GABRB1: variants seen among roughly 807,000 people sequenced by gnomAD.
GABRB1 encodes gamma-aminobutyric acid receptor subunit beta-1.
In GABRB1, 17 loss-of-function variants were observed where a neutral mutation model predicts 51.6. That is an observed-to-expected ratio of 0.33 (90% CI 0.23 to 0.49). GABRB1 has a LOEUF of 0.49. GABRB1 is among the 20% of genes least tolerant of loss of function. GABRB1 has a pLI of 0.99. For synonymous variants in GABRB1, 247 were observed against 218.9 expected, an observed-to-expected ratio of 1.13 and a Z score of -1.14; for missense variants, 410 against 600.6, an observed-to-expected ratio of 0.68 and a Z score of 3.32.
At chr4:47,190,130 C>G (rs1719379061) in intron 4 of GABRB1, among the ~76,000 whole-genome samples, 1 of 152,092 alleles carries the variant, frequency 6.6e-6, no homozygotes, top group African/African-American at 2.4e-5. Flanking sequence ...CTCCCTTAAT[C>G]TTCTAGCTTT....
At chr4:47,137,631 A>T (rs1321601619) in intron 3 of GABRB1, among the ~76,000 whole-genome samples, 1 of 152,154 alleles carries the variant, frequency 6.6e-6, no homozygotes, top group Non-Finnish European at 1.5e-5. Flanking sequence ...GATAATGAGC[A>T]ACCACAACAT....
At chr4:47,335,709 C>CT (rs1287412687) in intron 5 of GABRB1, among the ~76,000 whole-genome samples, 1 of 152,110 alleles carries the variant, frequency 6.6e-6, no homozygotes, top group Non-Finnish European at 1.5e-5. Flanking sequence ...TGAAAATTCT[C>CT]TTTTTTTCCA....
chr4:47,220,674 G>C (rs1218608777), intron 4 of GABRB1, among the ~76,000 whole-genome samples: 1 of 151,930 alleles, frequency 6.6e-6, no homozygotes, highest in African/African-American at 2.4e-5. Context: ...AGAACCTCAT[G>C]CTGATCTTTG....
intron 5 of GABRB1, among the ~76,000 whole-genome samples, chr4:47,373,652 G>A (rs935750825): frequency 6.6e-6 from 1 of 152,150 alleles, no homozygotes; most frequent in Non-Finnish European, 1.5e-5. Flanking sequence ...ACTTTGTGGA[G>A]TCTTGAGCTG....
chr4:47,141,121 G>A (rs1716915003), intron 3 of GABRB1, among the ~76,000 whole-genome samples: 1 of 151,774 alleles, frequency 6.6e-6, no homozygotes, highest in Non-Finnish European at 1.5e-5. Context: ...CGCTATACTA[G>A]CATATTCATC....
chr4:47,174,528 T>A (rs938956383), intron 4 of GABRB1, among the ~76,000 whole-genome samples: 1 of 152,194 alleles, frequency 6.6e-6, no homozygotes, highest in Admixed American at 6.6e-5. Context: ...AATTATAAAA[T>A]GTTTAATTAG....
At chr4:47,176,200 CAG>C (rs1718691786) in intron 4 of GABRB1, among the ~76,000 whole-genome samples, 1 of 151,900 alleles carries the variant, frequency 6.6e-6, no homozygotes, top group South Asian at 2.1e-4. Context: ...TATGAACGAG[CAG>C]AGTCAGAAAA....
At chr4:47,185,536 C>T (rs984520354) in intron 4 of GABRB1, among the ~76,000 whole-genome samples, 1 of 151,716 alleles carries the variant, frequency 6.6e-6, no homozygotes, top group Non-Finnish European at 1.5e-5. Flanking sequence ...ATATATAGAG[C>T]CATCCACTGC....
intron 3 of GABRB1, 120 bp downstream of exon 3, chr4:47,032,604 C>T (rs752608043): frequency 1.1e-6 from 1 of 930,788 alleles, no homozygotes; most frequent in South Asian, 1.3e-5. Flanking sequence ...GGTCCCACTC[C>T]GCACCCGCTC....
intron 1 of GABRB1, among the ~76,000 whole-genome samples, chr4:47,016,824 A>T (rs948762029): frequency 2.6e-5 from 4 of 152,094 alleles, no homozygotes; most frequent in African/African-American, 9.7e-5. Context: ...TCCTGACTTC[A>T]GGTGATCCAC....
chr4:47,183,127 A>C (rs1719024603), intron 4 of GABRB1, among the ~76,000 whole-genome samples: 1 of 151,560 alleles, frequency 6.6e-6, no homozygotes, highest in African/African-American at 2.4e-5. Context: ...TCGTTTAAGG[A>C]GAAAAACACA....
intron 4 of GABRB1, among the ~76,000 whole-genome samples, chr4:47,167,660 A>G (rs1718248502): frequency 6.6e-6 from 1 of 152,156 alleles, no homozygotes. Flanking sequence ...GAGAGCAGAG[A>G]TATTTAAGGG....
rs139073257 is a variant in GABRB1, at chr4:47,043,594, A to G, written c.240+11110A>G. On this transcript the variant is annotated intron_variant, in intron 3 of 8. Transcript: ENST00000295454. Reference sequence around the variant, plus strand: ...TTTAAAGGAGTTATACATCACCTTTAGTTCTGCAAAATGGACAGAGATATG... The same window carrying G: ...TTTAAAGGAGTTATACATCACCTTTGGTTCTGCAAAATGGACAGAGATATG... 8.4e-3 allele frequency among the ~76,000 whole-genome samples: 1,282 copies of G among 152,194 alleles called. 14 individuals carry two copies. Among genetic ancestry groups the G allele is most frequent in the African/African-American group, 0.028 (1,173 of 41,550 alleles).
intron 4 of GABRB1, among the ~76,000 whole-genome samples, chr4:47,242,642 G>C (rs1721570458): frequency 6.6e-6 from 1 of 152,242 alleles, no homozygotes; most frequent in South Asian, 2.1e-4. Context: ...GGCCAGTGAT[G>C]ATGAGCATTT....
At chr4:47,157,958 G>T in intron 3 of GABRB1, among the ~76,000 whole-genome samples, 1 of 151,990 alleles carries the variant, frequency 6.6e-6, no homozygotes, top group East Asian at 1.9e-4. Flanking sequence ...AACTTCTATA[G>T]CAAATTGGGT....
intron 5 of GABRB1, among the ~76,000 whole-genome samples, chr4:47,339,350 T>C (rs988217223): frequency 1.3e-5 from 2 of 152,180 alleles, no homozygotes; most frequent in Non-Finnish European, 2.9e-5. Flanking sequence ...ATTGAGCTGT[T>C]GAAAGCTCTG....
At chr4:47,097,020 G>A (rs1311607059) in intron 3 of GABRB1, among the ~76,000 whole-genome samples, 1 of 152,168 alleles carries the variant, frequency 6.6e-6, no homozygotes, top group Non-Finnish European at 1.5e-5. Context: ...TACCACAGTT[G>A]GGTCTACTTT....
intron 5 of GABRB1, among the ~76,000 whole-genome samples, chr4:47,341,743 CCTTT>C (rs1329257843): frequency 6.6e-6 from 1 of 152,136 alleles, no homozygotes; most frequent in African/African-American, 2.4e-5. Context: ...TGGAAATATT[CCTTT>C]CTTTGTTTAA....
intron 3 of GABRB1, among the ~76,000 whole-genome samples, chr4:47,156,954 C>A (rs1198731465): frequency 6.6e-6 from 1 of 152,026 alleles, no homozygotes; most frequent in African/African-American, 2.4e-5. Context: ...GGTGACAGAG[C>A]AAGACTCCAT....
Sources: gnomAD v4.1 joint callset for allele counts (sites outside exome capture counted in the v4.1 genomes callset) on GRCh38, gnomAD v4.1.1 for gene constraint, MANE v1.5 for transcripts, NCBI Gene and HGNC (gene_info 2026-07-23, HGNC 2026-07-21) for gene names.